Variants in ADAM23 observed in about 807,000 individuals in gnomAD.
ADAM23 encodes disintegrin and metalloproteinase domain-containing protein 23.
ADAM23 carries 33 observed loss-of-function variants against 120.1 expected under a neutral mutation model. The observed-to-expected ratio is 0.27, with a 90% CI of 0.21 to 0.37. The LOEUF (loss-of-function observed/expected upper bound fraction) is 0.37, where lower values mean the gene tolerates loss of function less well. ADAM23 is among the 10% of genes least tolerant of loss of function. The pLI is 1.00. For synonymous variants in ADAM23, 367 were observed against 375.2 expected (o/e 0.98, Z 0.25); for missense variants, 862 against 1,058.2 (o/e 0.81, Z 2.57).
chr2:206,492,015 C>T (rs1020600162), intron 3 of ADAM23, among the ~76,000 whole-genome samples: 5 of 152,144 alleles, frequency 3.3e-5, no homozygotes. Flanking sequence ...TTATTGAGTG[C>T]CTGCTAAGTG....
At chr2:206,548,561 T>G (rs548387396) in intron 8 of ADAM23, among the ~76,000 whole-genome samples, 2 of 152,238 alleles carry the variant, frequency 1.3e-5, no homozygotes, top group Admixed American at 6.5e-5. Flanking sequence ...TCAAACTGAT[T>G]ACGGTAGTCT....
At chr2:206,528,881 A>G (rs944690362) in intron 3 of ADAM23, among the ~76,000 whole-genome samples, 2 of 152,212 alleles carry the variant, frequency 1.3e-5, no homozygotes, top group Non-Finnish European at 2.9e-5. Flanking sequence ...TTCAGTTCCC[A>G]TTAGGATTAA....
intron 3 of ADAM23, among the ~76,000 whole-genome samples, chr2:206,525,751 C>A (rs574577638): frequency 1.6e-4 from 25 of 152,162 alleles, no homozygotes; most frequent in African/African-American, 5.5e-4. Flanking sequence ...ACCACCACAC[C>A]TGGCTAATTT....
In ADAM23 at chr2:206,570,801, G is replaced by T; in HGVS notation, c.1556G>T (p.Gly519Val). 4 of 1,613,692 alleles carry T rather than the reference G, an allele frequency of 2.5e-6. No homozygotes were observed. The highest frequency in any genetic ancestry group is 3.4e-6 in the Non-Finnish European group (4 of 1,179,670). Residue 519 changes from glycine (G) to valine (V), a missense_variant, in exon 16 of 26, where the codon GGT (glycine) becomes GTT (valine). Physicochemically the swap from Gly to Val is moderately radical, Grantham distance 109. Around this residue, in one of 4 missense-constraint regions of ADAM23, gnomAD observed 617 missense variants for 813.5 expected, o/e 0.76. Transcript: ENST00000264377. ...GAAGCTGGGGAGGAGTGTGATTGTG[G>T]TTTTCATGTGGTAGGTATAAGAAAC... Reference protein sequence around the residue: ...YVEAGEECDCGFHVECYGLCC... With the variant: ...YVEAGEECDCVFHVECYGLCC...
intron 25 of ADAM23, among the ~76,000 whole-genome samples, chr2:206,615,397 C>G (rs145621572): frequency 6.6e-6 from 1 of 152,126 alleles, no homozygotes; most frequent in South Asian, 2.1e-4. Flanking sequence ...AGGACCTGCC[C>G]GCAGTAGTTG....
intron 6 of ADAM23, among the ~76,000 whole-genome samples, 167 bp downstream of exon 6, chr2:206,543,483 A>G (rs764252291): frequency 3.3e-5 from 5 of 152,198 alleles, no homozygotes; most frequent in African/African-American, 4.8e-5. Flanking sequence ...TGCACATGCC[A>G]GGCCCATGTA....
At chr2:206,564,906 G>C in intron 13 of ADAM23, 114 bp from the exon 14 acceptor site, 1 of 1,114,432 alleles carries the variant, frequency 9.0e-7, no homozygotes, top group Non-Finnish European at 1.3e-6. Context: ...GTGTCTATTT[G>C]ACTGACATGG....
intron 3 of ADAM23, among the ~76,000 whole-genome samples, chr2:206,495,078 G>A (rs1415814854): frequency 1.3e-5 from 2 of 152,166 alleles, no homozygotes; most frequent in Non-Finnish European, 2.9e-5. Context: ...ACACTCTGCA[G>A]GATATTATCC....
At chr2:206,472,166 A>G (rs1044458426) in intron 2 of ADAM23, among the ~76,000 whole-genome samples, 4 of 152,208 alleles carry the variant, frequency 2.6e-5, no homozygotes. Context: ...CATACCCACC[A>G]TAAGATTAAA....
intron 9 of ADAM23, among the ~76,000 whole-genome samples, 177 bp from the exon 10 acceptor site, chr2:206,557,246 TAGTC>T (rs763266960): frequency 6.6e-6 from 1 of 152,208 alleles, no homozygotes; most frequent in Non-Finnish European, 1.5e-5. Flanking sequence ...ATGTTTTAGA[TAGTC>T]AGAGTTTTGC....
intron 20 of ADAM23, among the ~76,000 whole-genome samples, chr2:206,588,713 A>AT (rs1471284708): frequency 3.3e-5 from 5 of 152,128 alleles, no homozygotes; most frequent in African/African-American, 1.2e-4. Context: ...CTCTCCAATA[A>AT]TATCAGTTCA....
At chr2:206,473,599 T>TAATAAC (rs545339986) in intron 2 of ADAM23, among the ~76,000 whole-genome samples, 184 of 148,550 alleles carry the variant, frequency 1.2e-3, no homozygotes, top group African/African-American at 4.4e-3. Flanking sequence ...ATAATAATAA[T>TAATAAC]AACAACAACA....
intron 25 of ADAM23, among the ~76,000 whole-genome samples, chr2:206,612,173 AC>A (rs1698839223): frequency 1.3e-5 from 2 of 152,156 alleles, no homozygotes; most frequent in South Asian, 4.1e-4. Flanking sequence ...CTACATGAGG[AC>A]CTTAATTTGC....
intron 18 of ADAM23, among the ~76,000 whole-genome samples, chr2:206,581,952 AC>A (rs1698226099): frequency 6.6e-6 from 1 of 151,918 alleles, no homozygotes; most frequent in South Asian, 2.1e-4. Context: ...ATCTCGGCTC[AC>A]TGCAACCTCT....
intron 12 of ADAM23, among the ~76,000 whole-genome samples, chr2:206,561,581 A>G (rs988850889): frequency 6.6e-6 from 1 of 152,098 alleles, no homozygotes; most frequent in Non-Finnish European, 1.5e-5. Context: ...GATTTCTGAT[A>G]TCAGTACTGT....
At chr2:206,492,290 AG>A (rs1696151534) in intron 3 of ADAM23, among the ~76,000 whole-genome samples, 1 of 152,142 alleles carries the variant, frequency 6.6e-6, no homozygotes. Flanking sequence ...AAAGGCTTGA[AG>A]GGGGAGAGAG....
At chr2:206,566,567 A>G (rs956513353) in intron 14 of ADAM23, among the ~76,000 whole-genome samples, 1 of 152,226 alleles carries the variant, frequency 6.6e-6, no homozygotes, top group Non-Finnish European at 1.5e-5. Context: ...CTCATTTTCT[A>G]TTCCTGATTA....
chr2:206,581,210 T>C (rs943229393), intron 18 of ADAM23, among the ~76,000 whole-genome samples: 1 of 152,240 alleles, frequency 6.6e-6, no homozygotes, highest in African/African-American at 2.4e-5. Context: ...GTTGTTGTTA[T>C]TTCAATTTCA....
Position 206,565,055 on chromosome 2 carries a change from A to T in ADAM23, c.1381A>T (p.Met461Leu). Reference protein sequence around the residue: ...DCTESWGGCIMEETGVSHSRK... With the variant: ...DCTESWGGCILEETGVSHSRK... ...CACAGAATCCTGGGGTGGCTGCATCATGGAGGAAACAGGGTAAATTTTCAT... is the reference window on the plus strand; with the variant it reads ...CACAGAATCCTGGGGTGGCTGCATCTTGGAGGAAACAGGGTAAATTTTCAT... The change falls in exon 14 of 26, where the codon ATG becomes TTG. Residue 461 changes from methionine (M) to leucine (L), a missense_variant. By Grantham distance (15) the Met-to-Leu change is conservative. This residue lies in a region of ADAM23 where 617 missense variants were observed against 813.5 expected (regional missense o/e 0.76). Coordinates refer to ENST00000264377, the MANE Select transcript of ADAM23 (RefSeq NM_003812.4). 6.2e-7 allele frequency: 1 copy of T among 1,614,082 alleles called. No individual in the cohort carries two copies. Among genetic ancestry groups the T allele is most frequent in the Non-Finnish European group, 8.5e-7 (1 of 1,179,974 alleles).
Sources: allele counts gnomAD v4.1 joint callset (sites outside exome capture counted in the v4.1 genomes callset), GRCh38; gene constraint gnomAD v4.1.1; regional missense constraint gnomAD v4.1.1; transcripts MANE v1.5; gene names NCBI Gene and HGNC (gene_info 2026-07-23, HGNC 2026-07-21).